The following ANK2 variants were observed in gnomAD, a reference collection of about 807,000 sequenced individuals.
ANK2 encodes ankyrin 2.
A neutral mutation model predicts 360.5 loss-of-function variants in ANK2; 83 were observed. The observed-to-expected ratio is 0.23, with a 90% CI of 0.19 to 0.28. The LOEUF (loss-of-function observed/expected upper bound fraction) is 0.28, where lower values mean the gene tolerates loss of function less well. Ranked by LOEUF, ANK2 falls within the 10% of genes least tolerant of loss-of-function variation. The pLI is 1.00. For missense variants in ANK2, 4,201 were observed against 4,795.7 expected (o/e 0.88, Z 3.66); for synonymous variants, 1,740 against 1,759.5 (o/e 0.99, Z 0.28).
chr4:112,762,044 T>C, the ANK2 span, among the ~76,000 whole-genome samples: 1 of 152,224 alleles, frequency 6.6e-6, no homozygotes, highest in Non-Finnish European at 1.5e-5. Context: ...AGTTGAGTCT[T>C]GAATTTGCTG....
In ANK2 at chr4:113,341,685, T is replaced by C. The variant is rs2094323232; in HGVS notation, c.3894-3T>C. 1 of 1,613,934 alleles carries C rather than the reference T, an allele frequency of 6.2e-7. No individual in the cohort carries two copies. The highest frequency in any genetic ancestry group is 8.5e-7 in the Non-Finnish European group (1 of 1,179,808). On this transcript the variant is annotated splice_region_variant and splice_polypyrimidine_tract_variant and intron_variant, in intron 32 of 45. Coordinates refer to ENST00000357077, the MANE Select transcript of ANK2 (RefSeq NM_001148.6). ...AGATAACTGACTTTATTTATTTTAA[T>C]AGGTTCTGGCTGATAGATTGTCGAC...
chr4:112,908,810 G>A (rs1418968802), intron 2 of ANK2, among the ~76,000 whole-genome samples: 2 of 152,192 alleles, frequency 1.3e-5, no homozygotes, highest in Non-Finnish European at 1.5e-5. Flanking sequence ...TCCTGCTGAA[G>A]GTGAATCAGC....
intron 2 of ANK2, among the ~76,000 whole-genome samples, chr4:112,932,872 G>A (rs1390023601): frequency 3.9e-5 from 6 of 152,032 alleles, no homozygotes; most frequent in Non-Finnish European, 7.4e-5. Flanking sequence ...TAATGTAAAA[G>A]TTCAATGATC....
the ANK2 span, among the ~76,000 whole-genome samples, chr4:112,740,896 A>G: frequency 6.6e-6 from 1 of 152,194 alleles, no homozygotes; most frequent in East Asian, 1.9e-4. Flanking sequence ...AGGCTAAGGC[A>G]GAAGAATCAC....
At chr4:112,969,244 C>T (rs898783081) in intron 2 of ANK2, among the ~76,000 whole-genome samples, 1 of 152,156 alleles carries the variant, frequency 6.6e-6, no homozygotes, top group African/African-American at 2.4e-5. Flanking sequence ...TGCAGTTCCA[C>T]TTAGTTTTAA....
chr4:113,378,137 A>C (rs1351904307), intron 45 of ANK2: 1 of 1,282,080 alleles, frequency 7.8e-7, no homozygotes, highest in Non-Finnish European at 1.0e-6. Context: ...TACCCAGTTT[A>C]GTAGAGAATG....
At chr4:112,816,808 C>T (rs1225270837), upstream of ANK2, among the ~76,000 whole-genome samples, 3 of 152,154 alleles carry the variant, frequency 2.0e-5, no homozygotes, top group South Asian at 2.1e-4. Context: ...GTCAGCAGTT[C>T]GAGACCAGCC....
chr4:113,185,052 T>A (rs935713190), intron 2 of ANK2, among the ~76,000 whole-genome samples: 6 of 152,216 alleles, frequency 3.9e-5, no homozygotes, highest in Non-Finnish European at 7.3e-5. Context: ...TTTTTATGGC[T>A]GCATAGTATT....
chr4:113,308,379 G>A (rs930868473), intron 23 of ANK2, among the ~76,000 whole-genome samples: 5 of 152,254 alleles, frequency 3.3e-5, no homozygotes, highest in Admixed American at 1.3e-4. Context: ...AAATTTAGGT[G>A]GAGAAGTCCA....
chr4:113,197,782 A>G (rs2098771221), intron 3 of ANK2, among the ~76,000 whole-genome samples: 1 of 152,238 alleles, frequency 6.6e-6, no homozygotes, highest in African/African-American at 2.4e-5. Context: ...TATATGCAAT[A>G]AATTTCTTAC....
chr4:112,736,938 G>C, the ANK2 span, among the ~76,000 whole-genome samples: 1 of 152,208 alleles, frequency 6.6e-6, no homozygotes, highest in Non-Finnish European at 1.5e-5. Context: ...TTGTTCTCAT[G>C]ACTGGTTTTG....
At chr4:113,210,324 T>C (rs991251184) in intron 4 of ANK2, among the ~76,000 whole-genome samples, 2 of 152,144 alleles carry the variant, frequency 1.3e-5, no homozygotes, top group African/African-American at 2.4e-5. Context: ...AATTTTCACA[T>C]TGAAGAAAAT....
At chr4:113,259,403 G>A (rs1455290036) in intron 13 of ANK2, among the ~76,000 whole-genome samples, 2 of 152,186 alleles carry the variant, frequency 1.3e-5, no homozygotes, top group Admixed American at 6.5e-5. Context: ...CATTTAAGCT[G>A]TGAAAGAGAA....
chr4:112,915,540 C>T (rs2089450067), intron 2 of ANK2, among the ~76,000 whole-genome samples: 3 of 151,862 alleles, frequency 2.0e-5, no homozygotes, highest in African/African-American at 7.3e-5. Context: ...CACTTGAGTC[C>T]AGGAGTTCAA....
At chr4:113,023,875 C>G (rs946936319) in intron 2 of ANK2, among the ~76,000 whole-genome samples, 2 of 152,072 alleles carry the variant, frequency 1.3e-5, no homozygotes, top group African/African-American at 2.4e-5. Flanking sequence ...TATTTAAAAC[C>G]CTTTCTGTAG....
intron 4 of ANK2, among the ~76,000 whole-genome samples, chr4:113,207,686 CAAAA>C (rs34818513): frequency 0.24 from 24,216 of 101,884 alleles, 2,485 homozygotes; most frequent in African/African-American, 0.4. Context: ...GATCACAAAG[CAAAA>C]AAAAAAAAAA....
the ANK2 span, among the ~76,000 whole-genome samples, chr4:112,708,578 C>T: frequency 1.8e-4 from 27 of 152,226 alleles, no homozygotes; most frequent in African/African-American, 5.5e-4. Flanking sequence ...GACATTTACT[C>T]AGCATAAAGT....
chr4:112,855,180 G>A (rs1165588586), intron 1 of ANK2, among the ~76,000 whole-genome samples: 2 of 152,206 alleles, frequency 1.3e-5, no homozygotes, highest in African/African-American at 4.8e-5. Flanking sequence ...CTCTGGCCTT[G>A]TGCAGTTTAT....
chr4:112,957,007 GTTTT>G (rs56066718), intron 2 of ANK2, among the ~76,000 whole-genome samples: 149 of 66,478 alleles, frequency 2.2e-3, no homozygotes, highest in African/African-American at 8.1e-3. Context: ...TATTGCTCTT[GTTTT>G]TTTTTTTTTT....
Sources: gnomAD v4.1 joint callset for allele counts (sites outside exome capture counted in the v4.1 genomes callset) on GRCh38, gnomAD v4.1.1 for gene constraint, MANE v1.5 for transcripts, NCBI Gene and HGNC (gene_info 2026-07-23, HGNC 2026-07-21) for gene names.